The following DCLK1 variants were observed in gnomAD, a reference collection of about 807,000 sequenced individuals.
The protein encoded by DCLK1 is doublecortin like kinase 1.
In DCLK1, 16 loss-of-function variants were observed where a neutral mutation model predicts 86.2. The ratio of observed to expected loss-of-function variants is 0.19; its 90% CI spans 0.13 to 0.28. DCLK1 has a LOEUF of 0.28. Ranked by LOEUF, DCLK1 falls within the 10% of genes least tolerant of loss-of-function variation. DCLK1 has a pLI of 1.00. For missense variants in DCLK1, 590 were observed against 940.2 expected (o/e 0.63, Z 4.87); for synonymous variants, 369 against 370.5 (o/e 1.00, Z 0.05).
chr13:36,090,326 C>A (rs7318861), intron 3 of DCLK1, among the ~76,000 whole-genome samples: 46,978 of 152,040 alleles, frequency 0.31, 7,664 homozygotes, highest in East Asian at 0.53. Flanking sequence ...AAAATACCCC[C>A]GAGGAGCCCT....
chr13:36,033,951 A>C (rs1882391250), intron 3 of DCLK1, among the ~76,000 whole-genome samples: 1 of 152,168 alleles, frequency 6.6e-6, no homozygotes, highest in Non-Finnish European at 1.5e-5. Flanking sequence ...GCAAACAAAT[A>C]TGAAGTATTT....
At position 35,770,149 on chromosome 13, in the gene DCLK1, G is replaced by A. The variant is rs1026233296; in HGVS notation, c.*4386C>T. The A allele has an allele frequency of 6.6e-6, 1 of 152,178 alleles. No homozygotes were observed. Among genetic ancestry groups the A allele is most frequent in the Non-Finnish European group, 1.5e-5 (1 of 68,032 alleles). 9.4% of individuals were successfully genotyped at this position (152,178 alleles called of 1,614,324 possible). A position where few individuals can be genotyped will look rare whatever the true frequency, so the allele number is the denominator to read the frequency against. The stretch of plus-strand genomic sequence containing the variant: ...TGGCTTAAAAGCACCTCCTCCTCTA[G>A]TGTGTAATTACATACAAACTAAAGA... On this transcript the variant is annotated 3_prime_UTR_variant, in exon 17 of 17. Transcript: ENST00000360631.
At chr13:36,084,843 CTT>C (rs1884538581) in intron 3 of DCLK1, among the ~76,000 whole-genome samples, 1 of 152,142 alleles carries the variant, frequency 6.6e-6, no homozygotes, top group Admixed American at 6.5e-5. Context: ...CTAGGATAGA[CTT>C]ATATAAGTAC....
rs372930134 is a variant in DCLK1 at position 35,844,308 on chromosome 13, C to T, written c.1036-5132G>A. ...GGTTTACTGAAAGGAGGAGAAAACG[C>T]GAATGGAAACAGTGGTGTTATGGCT... On this transcript the variant is annotated intron_variant, in intron 6 of 16. Coordinates refer to ENST00000360631, the MANE Select transcript of DCLK1 (RefSeq NM_001330071.2). Among the ~76,000 whole-genome samples, 6 of 152,218 alleles carry T rather than the reference C, an allele frequency of 3.9e-5. No homozygotes were observed. The East Asian group carries it at 5.8e-4, about 15-fold the overall frequency.
chr13:35,837,476 AT>A, intron 7 of DCLK1, among the ~76,000 whole-genome samples: 1 of 152,060 alleles, frequency 6.6e-6, no homozygotes, highest in South Asian at 2.1e-4. Flanking sequence ...AGAAGCCACA[AT>A]TTTGCCTCTG....
chr13:35,789,103 A>C (rs969339339), intron 16 of DCLK1, among the ~76,000 whole-genome samples: 1 of 152,174 alleles, frequency 6.6e-6, no homozygotes, highest in Non-Finnish European at 1.5e-5. Flanking sequence ...GGGATAAAAG[A>C]TTCAATCCCC....
chr13:35,797,380 A>C (rs570528094), intron 15 of DCLK1, among the ~76,000 whole-genome samples: 1 of 152,244 alleles, frequency 6.6e-6, no homozygotes, highest in East Asian at 1.9e-4. Context: ...CAGCCACCTC[A>C]CAATGGATTT....
In DCLK1 at chr13:35,819,881, G is replaced by C. The variant is rs537301609; in HGVS notation, c.1554+2848C>G. On this transcript the variant is annotated intron_variant, in intron 11 of 16. Coordinates refer to ENST00000360631, the MANE Select transcript of DCLK1 (RefSeq NM_001330071.2). ...ATTTCATTTTTAATTACAAAGAAAG[G>C]GGAAATTTTCAAAAGAAAATTAATA... Among the ~76,000 whole-genome samples the C allele has an allele frequency of 7.2e-4, 110 of 152,152 alleles. 1 individual carries two copies. The highest frequency in any genetic ancestry group is 2.6e-3 in the African/African-American group (107 of 41,514).
chr13:35,873,446 G>T (rs374198259), intron 4 of DCLK1, among the ~76,000 whole-genome samples: 1 of 151,638 alleles, frequency 6.6e-6, no homozygotes, highest in African/African-American at 2.4e-5. Context: ...GTGCAGTGGC[G>T]TGATCTCGGG....
chr13:35,934,137 T>C (rs1468340843), intron 4 of DCLK1, among the ~76,000 whole-genome samples: 1 of 152,160 alleles, frequency 6.6e-6, no homozygotes, highest in African/African-American at 2.4e-5. Context: ...CTCCAGTTCA[T>C]AAAAAGTTCC....
intron 5 of DCLK1, among the ~76,000 whole-genome samples, chr13:35,865,089 T>C (rs1403841480): frequency 1.3e-5 from 2 of 152,196 alleles, no homozygotes; most frequent in Admixed American, 1.3e-4. Context: ...AACTGAAATT[T>C]TATCAGTCTT....
intron 4 of DCLK1, among the ~76,000 whole-genome samples, chr13:35,875,525 C>G (rs922182479): frequency 1.2e-4 from 18 of 152,108 alleles, no homozygotes; most frequent in Non-Finnish European, 1.9e-4. Flanking sequence ...TTCCAAGTAC[C>G]AAAAAGAAAC....
intron 6 of DCLK1, among the ~76,000 whole-genome samples, chr13:35,844,703 A>C (rs1870049476): frequency 6.6e-6 from 1 of 152,200 alleles, no homozygotes; most frequent in Non-Finnish European, 1.5e-5. Flanking sequence ...GCTACATTTT[A>C]TGTTAAACTC....
chr13:35,853,291 T>C (rs918041477), intron 6 of DCLK1, among the ~76,000 whole-genome samples: 3 of 152,172 alleles, frequency 2.0e-5, no homozygotes, highest in Middle Eastern at 3.2e-3. Context: ...GTGTTTCCAA[T>C]GGAGACCCAG....
intron 3 of DCLK1, among the ~76,000 whole-genome samples, chr13:36,069,106 T>A (rs1016363041): frequency 2.6e-5 from 4 of 152,198 alleles, no homozygotes; most frequent in African/African-American, 9.7e-5. Context: ...TAATTTCTAT[T>A]TGTCAGATGA....
chr13:35,938,520 T>A (rs1000662328), intron 4 of DCLK1, among the ~76,000 whole-genome samples: 2 of 151,820 alleles, frequency 1.3e-5, no homozygotes, highest in African/African-American at 2.4e-5. Flanking sequence ...TCCCAGCTAC[T>A]CGGGAGGCTG....
At chr13:35,823,527 G>GA (rs1182504833) in intron 10 of DCLK1, among the ~76,000 whole-genome samples, 1 of 152,098 alleles carries the variant, frequency 6.6e-6, no homozygotes, top group African/African-American at 2.4e-5. Context: ...GGAAGGGGGG[G>GA]AAATCTCAAA....
At chr13:35,954,277 T>C (rs1877858042) in intron 3 of DCLK1, among the ~76,000 whole-genome samples, 1 of 152,148 alleles carries the variant, frequency 6.6e-6, no homozygotes, top group Non-Finnish European at 1.5e-5. Context: ...CCTTCCTCTT[T>C]CTGCACAATT....
intron 6 of DCLK1, among the ~76,000 whole-genome samples, chr13:35,843,730 T>A (rs1242466575): frequency 6.6e-6 from 1 of 152,234 alleles, no homozygotes; most frequent in Non-Finnish European, 1.5e-5. Context: ...TCACATTTTA[T>A]CTTGGCATAC....
Sources: gnomAD v4.1 joint callset for allele counts (sites outside exome capture counted in the v4.1 genomes callset) on GRCh38, gnomAD v4.1.1 for gene constraint, MANE v1.5 for transcripts, NCBI Gene and HGNC (gene_info 2026-07-23, HGNC 2026-07-21) for gene names.